The following PPP1R12B variants were observed in gnomAD, a reference collection of about 807,000 sequenced individuals.
The protein encoded by PPP1R12B is protein phosphatase 1 regulatory subunit 12B.
In PPP1R12B, 76 loss-of-function variants were observed where a neutral mutation model predicts 126.1. The ratio of observed to expected loss-of-function variants is 0.60; its 90% CI spans 0.50 to 0.73. PPP1R12B has a LOEUF of 0.73. Ranked by LOEUF, PPP1R12B falls within the 30% of genes least tolerant of loss-of-function variation. The probability of loss-of-function intolerance (pLI) is 0.00; values close to 1 mark genes in which losing one functional copy is unlikely to be tolerated. For synonymous variants in PPP1R12B, 356 were observed against 434.7 expected (o/e 0.82, Z 2.25); for missense variants, 1,052 against 1,205.1 (o/e 0.87, Z 1.88).
At chr1:202,398,758 G>A (rs1423639870) in intron 1 of PPP1R12B, among the ~76,000 whole-genome samples, 1 of 152,154 alleles carries the variant, frequency 6.6e-6, no homozygotes, top group East Asian at 1.9e-4. Context: ...TGTTGCCCAA[G>A]TAACTCTGTT....
intron 19 of PPP1R12B, among the ~76,000 whole-genome samples, chr1:202,559,711 G>C (rs1687327696): frequency 6.6e-6 from 1 of 152,144 alleles, no homozygotes; most frequent in Non-Finnish European, 1.5e-5. Context: ...TATTGAGCTG[G>C]TTCTGTCTTA....
At chr1:202,540,065 G>A (rs1217693944) in intron 18 of PPP1R12B, 1 of 1,478,408 alleles carries the variant, frequency 6.8e-7, no homozygotes, top group Non-Finnish European at 9.0e-7. Flanking sequence ...TTCTGTGAGG[G>A]TAACCTACAG....
At chr1:202,446,258 T>TTTTA (rs1672276889) in intron 12 of PPP1R12B, among the ~76,000 whole-genome samples, 1 of 107,058 alleles carries the variant, frequency 9.3e-6, no homozygotes, top group Non-Finnish European at 2.0e-5. Flanking sequence ...ATATATATAT[T>TTTTA]TTTTTTTTTT....
intron 18 of PPP1R12B, chr1:202,540,244 A>G (rs1451996938): frequency 6.3e-7 from 1 of 1,580,912 alleles, no homozygotes; most frequent in Admixed American, 1.7e-5. Flanking sequence ...CGCTCCGAGT[A>G]AGCAGCATTT....
At chr1:202,386,919 C>A (rs1016535116) in intron 1 of PPP1R12B, among the ~76,000 whole-genome samples, 1 of 152,078 alleles carries the variant, frequency 6.6e-6, no homozygotes, top group Non-Finnish European at 1.5e-5. Context: ...GCATCCTATT[C>A]TTTTACAGAG....
At chr1:202,529,764 A>G (rs2148935564) in intron 18 of PPP1R12B, among the ~76,000 whole-genome samples, 1 of 152,322 alleles carries the variant, frequency 6.6e-6, no homozygotes, top group Non-Finnish European at 1.5e-5. Flanking sequence ...GCACAACTTA[A>G]CTATCACAGA....
At chr1:202,534,563 C>CTTT (rs34606007) in intron 18 of PPP1R12B, among the ~76,000 whole-genome samples, 6 of 132,932 alleles carry the variant, frequency 4.5e-5, no homozygotes, top group Admixed American at 7.7e-5. Context: ...CTAGCTTTCC[C>CTTT]TTTTTTTTTT....
At chr1:202,426,923 T>C (rs1669599825) in intron 4 of PPP1R12B, 117 bp from the exon 5 acceptor site, 1 of 1,380,816 alleles carries the variant, frequency 7.2e-7, no homozygotes, top group East Asian at 2.4e-5. Context: ...GCAGAAGTAA[T>C]CATAAGACCC....
intron 1 of PPP1R12B, among the ~76,000 whole-genome samples, chr1:202,396,559 T>C (rs554086660): frequency 6.6e-6 from 1 of 152,180 alleles, no homozygotes; most frequent in African/African-American, 2.4e-5. Context: ...ACTACTGTGA[T>C]TACTACTACT....
At chr1:202,360,951 C>T (rs1259407278) in intron 1 of PPP1R12B, among the ~76,000 whole-genome samples, 5 of 149,082 alleles carry the variant, frequency 3.4e-5, no homozygotes, top group Admixed American at 6.7e-5. Flanking sequence ...AAGACAGTGG[C>T]GCGATCTCGG....
chr1:202,371,059 A>G (rs1660152219), intron 1 of PPP1R12B, among the ~76,000 whole-genome samples: 1 of 135,200 alleles, frequency 7.4e-6, no homozygotes, highest in Non-Finnish European at 1.5e-5. Flanking sequence ...TCTGCCACTC[A>G]GGCTGGAGTG....
intron 13 of PPP1R12B, among the ~76,000 whole-genome samples, chr1:202,484,209 C>T (rs779344106): frequency 6.6e-6 from 1 of 151,746 alleles, no homozygotes; most frequent in African/African-American, 2.4e-5. Flanking sequence ...CTTTTATTTA[C>T]TTCTGTGGTT....
chr1:202,381,449 A>T (rs1662272677), intron 1 of PPP1R12B, among the ~76,000 whole-genome samples: 2 of 12,116 alleles, frequency 1.7e-4, no homozygotes, highest in Admixed American at 1.6e-3. Context: ...TCATCCCTCA[A>T]CTGCCTCCTC....
chr1:202,392,832 G>A (rs777502968), intron 1 of PPP1R12B, among the ~76,000 whole-genome samples: 3 of 151,552 alleles, frequency 2.0e-5, no homozygotes, highest in Non-Finnish European at 2.9e-5. Flanking sequence ...CTGAACCCAG[G>A]GCTTCTTTTT....
chr1:202,572,508 G>C (rs1688700739), intron 23 of PPP1R12B, among the ~76,000 whole-genome samples: 1 of 152,194 alleles, frequency 6.6e-6, no homozygotes, highest in Non-Finnish European at 1.5e-5. Context: ...TTATTGGAAA[G>C]GTAAGTATTT....
chr1:202,379,755 T>A (rs1661920103), intron 1 of PPP1R12B, among the ~76,000 whole-genome samples: 1 of 152,210 alleles, frequency 6.6e-6, no homozygotes, highest in Admixed American at 6.5e-5. Flanking sequence ...AACTTTTCTT[T>A]AAAAAACAAT....
At chr1:202,479,874 C>A (rs1677135981) in intron 13 of PPP1R12B, among the ~76,000 whole-genome samples, 1 of 152,138 alleles carries the variant, frequency 6.6e-6, no homozygotes, top group Non-Finnish European at 1.5e-5. Flanking sequence ...GGTTCTGATA[C>A]AAGTGAAAGT....
chr1:202,354,704 A>G (rs370600150), intron 1 of PPP1R12B, among the ~76,000 whole-genome samples: 12 of 151,214 alleles, frequency 7.9e-5, no homozygotes, highest in Admixed American at 4.6e-4. Flanking sequence ...GCTGGAGTGC[A>G]GTGCACGATC....
chr1:202,472,540 A>G (rs1297393781), intron 13 of PPP1R12B, among the ~76,000 whole-genome samples: 1 of 152,230 alleles, frequency 6.6e-6, no homozygotes, highest in African/African-American at 2.4e-5. Flanking sequence ...AACTAACTGT[A>G]GAGTGACCTA....
Sources: gnomAD v4.1 joint callset for allele counts (sites outside exome capture counted in the v4.1 genomes callset) on GRCh38, gnomAD v4.1.1 for gene constraint, MANE v1.5 for transcripts, NCBI Gene and HGNC (gene_info 2026-07-23, HGNC 2026-07-21) for gene names.